Variants in UBE2V2 observed in about 807,000 individuals in gnomAD.
The protein encoded by UBE2V2 is ubiquitin conjugating enzyme E2 V2, also known as ubiquitin-conjugating enzyme E2 variant 2.
UBE2V2 carries 9 observed loss-of-function variants against 17.2 expected under a neutral mutation model. The observed-to-expected ratio is 0.52, with a 90% confidence interval of 0.32 to 0.91. The LOEUF is 0.91. Among genes scored for constraint, UBE2V2 ranks in the 40% least tolerant of loss-of-function variants. UBE2V2 has a pLI of 0.04. For synonymous variants in UBE2V2, 61 were observed against 57.5 expected (o/e 1.06, Z -0.28); for missense variants, 133 against 182.6 (o/e 0.73, Z 1.56).
At chr8:48,002,196 G>T in the UBE2V2 span, among the ~76,000 whole-genome samples, 10 of 152,260 alleles carry the variant, frequency 6.6e-5, 1 homozygote, top group South Asian at 2.1e-3. Context: ...TTGCATTGGG[G>T]ATTGTTTCCC....
At chr8:48,035,131 T>TTC (rs2091413465) in intron 1 of UBE2V2, 75 of 911,916 alleles carry the variant, frequency 8.2e-5, no homozygotes, top group Non-Finnish European at 9.4e-5. Flanking sequence ...TTTTTTTTTT[T>TTC]TGGAGGTGGA....
chr8:48,059,342 T>G (rs1802547246), intron 3 of UBE2V2, among the ~76,000 whole-genome samples: 1 of 151,940 alleles, frequency 6.6e-6, no homozygotes, highest in Non-Finnish European at 1.5e-5. Context: ...TGTGGTCTTC[T>G]AGATTCCCAG....
At chr8:48,025,293 A>G (rs1206221037) in intron 1 of UBE2V2, among the ~76,000 whole-genome samples, 3 of 142,558 alleles carry the variant, frequency 2.1e-5, no homozygotes, top group African/African-American at 7.9e-5. Context: ...TTTGAGATGG[A>G]GTCTCACTCT....
At chr8:48,008,040 G>A (rs549862518), upstream of UBE2V2, among the ~76,000 whole-genome samples, 44 of 152,200 alleles carry the variant, frequency 2.9e-4, no homozygotes, top group Middle Eastern at 3.4e-3. Context: ...TCGTGCCTCA[G>A]CCTCCCAAAT....
chr8:48,049,000 C>T (rs2091518310), intron 2 of UBE2V2, among the ~76,000 whole-genome samples: 1 of 151,278 alleles, frequency 6.6e-6, no homozygotes, highest in Admixed American at 6.6e-5. Context: ...TTTTACTTTG[C>T]TGTTTTAATG....
intron 1 of UBE2V2, among the ~76,000 whole-genome samples, chr8:48,016,551 C>G (rs542275143): frequency 6.6e-6 from 1 of 151,998 alleles, no homozygotes; most frequent in Admixed American, 6.6e-5. Context: ...GGCATGATCT[C>G]GGCTCATTGC....
At chr8:48,019,319 A>G (rs1475990204) in intron 1 of UBE2V2, among the ~76,000 whole-genome samples, 3 of 151,994 alleles carry the variant, frequency 2.0e-5, no homozygotes. Flanking sequence ...AGCCGAGATC[A>G]CGGCACTGCA....
At chr8:48,023,717 C>CA (rs201537701) in intron 1 of UBE2V2, among the ~76,000 whole-genome samples, 66 of 150,214 alleles carry the variant, frequency 4.4e-4, no homozygotes, top group East Asian at 3.2e-3. Flanking sequence ...ATTAAAAATG[C>CA]AAAAAAAAAT....
At position 48,064,240 on chromosome 8, in the gene UBE2V2, A is replaced by G. The variant is rs893194729; in HGVS notation, c.*3412A>G. On this transcript the variant is annotated 3_prime_UTR_variant, in exon 4 of 4. Transcript: ENST00000523111. ...TATCATAGTATCATTTATTGCTGGG[A>G]TGGATCGAAAAGCACTGCTTTTACT... 2.6e-5 allele frequency: 4 copies of G among 152,276 alleles called. No individual in the cohort carries two copies. Among genetic ancestry groups the G allele is most frequent in the African/African-American group, 7.2e-5 (3 of 41,548 alleles). The allele number at this position is 152,276 out of a possible 1,614,324, so 9.4% of individuals were successfully genotyped here. A position where few individuals can be genotyped will look rare whatever the true frequency, so the allele number is the denominator to read the frequency against.
chr8:48,008,041 C>A (rs1331554293), upstream of UBE2V2, among the ~76,000 whole-genome samples: 1 of 152,098 alleles, frequency 6.6e-6, no homozygotes, highest in Non-Finnish European at 1.5e-5. Flanking sequence ...CGTGCCTCAG[C>A]CTCCCAAATA....
chr8:48,016,960 ATTG>A, intron 1 of UBE2V2, among the ~76,000 whole-genome samples: 1 of 150,632 alleles, frequency 6.6e-6, no homozygotes, highest in Admixed American at 6.6e-5. Flanking sequence ...TAATTTTCAT[ATTG>A]TTAGTAGAGA....
At chr8:48,032,547 G>GT (rs2154507358) in intron 1 of UBE2V2, among the ~76,000 whole-genome samples, 3 of 152,252 alleles carry the variant, frequency 2.0e-5, no homozygotes, top group East Asian at 1.9e-4. Context: ...GAGCCTGGGA[G>GT]TTTGAGACCA....
chr8:48,016,670 C>T (rs557990448), intron 1 of UBE2V2, among the ~76,000 whole-genome samples: 5 of 149,402 alleles, frequency 3.3e-5, no homozygotes, highest in Admixed American at 2.0e-4. Context: ...TTATTAGAGA[C>T]GGGGTTTCTC....
chr8:48,001,512 T>C, the UBE2V2 span, among the ~76,000 whole-genome samples: 1 of 152,034 alleles, frequency 6.6e-6, no homozygotes, highest in East Asian at 1.9e-4. Context: ...AAGTGAAGGA[T>C]CACTTGAGCC....
At chr8:48,027,866 T>C (rs1179681110) in intron 1 of UBE2V2, among the ~76,000 whole-genome samples, 1 of 152,200 alleles carries the variant, frequency 6.6e-6, no homozygotes, top group Non-Finnish European at 1.5e-5. Context: ...CATTTTTTTT[T>C]TGTTTTTGAG....
intron 3 of UBE2V2, among the ~76,000 whole-genome samples, chr8:48,053,807 GT>G (rs202049026): frequency 0.17 from 23,301 of 135,644 alleles, 2,937 homozygotes; most frequent in African/African-American, 0.36. Flanking sequence ...TCCCCTTCCT[GT>G]TTTTTTTTTT....
At chr8:48,024,650 C>T (rs925423093) in intron 1 of UBE2V2, among the ~76,000 whole-genome samples, 6 of 151,682 alleles carry the variant, frequency 4.0e-5, no homozygotes, top group African/African-American at 7.3e-5. Flanking sequence ...CTGTATCCTA[C>T]GTATGCCTTG....
chr8:48,000,426 T>C, the UBE2V2 span, among the ~76,000 whole-genome samples: 4 of 152,208 alleles, frequency 2.6e-5, no homozygotes, highest in South Asian at 2.1e-4. Context: ...TGTTATCTAA[T>C]ATAACTTTCC....
At chr8:48,038,772 T>C (rs1280143920) in intron 1 of UBE2V2, among the ~76,000 whole-genome samples, 1 of 151,812 alleles carries the variant, frequency 6.6e-6, no homozygotes, top group African/African-American at 2.4e-5. Flanking sequence ...TGAGCTACCA[T>C]GTCCAGCCAC....
Sources: allele counts gnomAD v4.1 joint callset (sites outside exome capture counted in the v4.1 genomes callset), GRCh38; gene constraint gnomAD v4.1.1; transcripts MANE v1.5; gene names NCBI Gene and HGNC (gene_info 2026-07-23, HGNC 2026-07-21).